WIPF3: variants seen among roughly 807,000 people sequenced by gnomAD.
WIPF3 encodes WAS/WASL interacting protein family member 3.
Under a neutral mutation model 38.9 loss-of-function variants are expected in WIPF3, and 33 were observed. That is an observed-to-expected ratio of 0.85 (90% confidence interval 0.64 to 1.14). WIPF3 has a LOEUF of 1.14. Among genes scored for constraint, WIPF3 ranks in the 50% most tolerant of loss-of-function variants. The pLI is 0.00. For missense variants in WIPF3, 711 were observed against 652.5 expected (o/e 1.09, Z -0.98); for synonymous variants, 324 against 269.3 (o/e 1.20, Z -1.99).
chr7:29,864,322 A>G (rs1175391129), intron 2 of WIPF3, among the ~76,000 whole-genome samples: 1 of 152,102 alleles, frequency 6.6e-6, no homozygotes. Context: ...GGTGGATTTT[A>G]TTGATTGATT....
intron 2 of WIPF3, among the ~76,000 whole-genome samples, chr7:29,836,236 A>C (rs749044958): frequency 6.6e-5 from 10 of 152,246 alleles, no homozygotes; most frequent in Non-Finnish European, 1.5e-4. Flanking sequence ...GTAAGTAAAC[A>C]CACATGAAAC....
chr7:29,872,714 T>G (rs1029868488), intron 2 of WIPF3, among the ~76,000 whole-genome samples: 5 of 140,606 alleles, frequency 3.6e-5, no homozygotes, highest in African/African-American at 1.4e-4. Flanking sequence ...GAGAATGGCG[T>G]GAACCCGGGA....
chr7:29,868,976 A>AC (rs1387946463), intron 2 of WIPF3, among the ~76,000 whole-genome samples: 6 of 150,984 alleles, frequency 4.0e-5, no homozygotes, highest in South Asian at 2.1e-4. Flanking sequence ...ATGTACATAC[A>AC]CCCCCCAAGC....
intron 1 of WIPF3, among the ~76,000 whole-genome samples, chr7:29,811,947 A>G (rs1044081542): frequency 1.3e-5 from 2 of 152,188 alleles, no homozygotes; most frequent in Non-Finnish European, 2.9e-5. Context: ...ATCTTTAAGA[A>G]CTTTGGCTCT....
intron 7 of WIPF3, among the ~76,000 whole-genome samples, chr7:29,902,264 T>TC (rs1786298345): frequency 7.8e-6 from 1 of 129,012 alleles, no homozygotes; most frequent in East Asian, 2.4e-4. Flanking sequence ...GTTTTCTTCT[T>TC]CTTCTTCTTC....
chr7:29,811,356 A>T (rs118037008), intron 1 of WIPF3, among the ~76,000 whole-genome samples: 422 of 152,302 alleles, frequency 2.8e-3, no homozygotes, highest in East Asian at 0.017. Context: ...CAAGGAGTTT[A>T]CAAAAATAGC....
At chr7:29,893,499 C>T (rs545626982) in intron 7 of WIPF3, among the ~76,000 whole-genome samples, 1 of 152,270 alleles carries the variant, frequency 6.6e-6, no homozygotes, top group South Asian at 2.1e-4. Flanking sequence ...AGGCTTTAAG[C>T]TGCCAATGAA....
At position 29,875,874 on chromosome 7, in the gene WIPF3, C is replaced by A; in HGVS notation, c.135C>A (p.Gly45=). The part of the protein sequence containing the change: ...TSSLRRADPK[G]RSALLADIQQ... ...GCTTGCGAAGGGCAGATCCGAAAGGCCGGAGTGCGCTGTTGGCTGATATCC... is the reference window on the plus strand; with the variant it reads ...GCTTGCGAAGGGCAGATCCGAAAGGACGGAGTGCGCTGTTGGCTGATATCC... Residue 45 remains glycine, a synonymous_variant, in exon 3 of 9, where the codon GGC becomes GGA. Transcript: ENST00000242140. The A allele has an allele frequency of 6.2e-7, 1 of 1,614,098 alleles. No homozygotes were observed. Among genetic ancestry groups the A allele is most frequent in the Non-Finnish European group, 8.5e-7 (1 of 1,179,914 alleles).
Position 29,875,942 on chromosome 7 carries a change from G to T in WIPF3, c.203G>T (p.Arg68Leu). The T allele has an allele frequency of 6.2e-7, 1 of 1,613,860 alleles. No homozygotes were observed. Among genetic ancestry groups the T allele is most frequent in the Non-Finnish European group, 8.5e-7 (1 of 1,179,830 alleles). ...RLRKVTQIND[R>L]SAPQIESSKG... ...CGCAAAGTCACGCAGATCAACGACC[G>T]CAGTGCCCCGCAGATCGAGAGTAAG... Residue 68 changes from arginine (R) to leucine (L), a missense_variant, in exon 3 of 9, where the codon CGC (arginine) becomes CTC (leucine). Transcript: ENST00000242140.
intron 2 of WIPF3, among the ~76,000 whole-genome samples, chr7:29,848,329 G>C (rs573060821): frequency 6.6e-6 from 1 of 152,174 alleles, no homozygotes; most frequent in Admixed American, 6.5e-5. Context: ...CTAAGCTGCC[G>C]TTGGTTCGTC....
At chr7:29,825,698 A>G (rs1440056530) in intron 1 of WIPF3, among the ~76,000 whole-genome samples, 7 of 152,320 alleles carry the variant, frequency 4.6e-5, no homozygotes, top group East Asian at 1.9e-4. Flanking sequence ...AGTGAATTCA[A>G]TGAATGATCT....
At chr7:29,813,834 C>A (rs1784417359) in intron 1 of WIPF3, among the ~76,000 whole-genome samples, 1 of 152,188 alleles carries the variant, frequency 6.6e-6, no homozygotes, top group Admixed American at 6.5e-5. Context: ...TCCCTCCCCT[C>A]AATCCTTGAC....
intron 7 of WIPF3, among the ~76,000 whole-genome samples, chr7:29,901,005 C>T (rs1207426986): frequency 6.6e-6 from 1 of 152,108 alleles, no homozygotes; most frequent in Non-Finnish European, 1.5e-5. Context: ...GGAATTGCAG[C>T]CCAGGGCTGG....
At chr7:29,911,364 T>A (rs1786502166) in intron 8 of WIPF3, among the ~76,000 whole-genome samples, 2 of 152,276 alleles carry the variant, frequency 1.3e-5, no homozygotes, top group Middle Eastern at 3.4e-3. Context: ...GTGTAAACCC[T>A]ACCGAAATCT....
intron 2 of WIPF3, among the ~76,000 whole-genome samples, chr7:29,842,095 C>T (rs1315787672): frequency 6.6e-6 from 1 of 152,232 alleles, no homozygotes; most frequent in African/African-American, 2.4e-5. Flanking sequence ...AGTGCACTCT[C>T]CCTACATGTC....
At chr7:29,836,201 G>A (rs1488153181) in intron 2 of WIPF3, among the ~76,000 whole-genome samples, 1 of 152,208 alleles carries the variant, frequency 6.6e-6, no homozygotes, top group Non-Finnish European at 1.5e-5. Flanking sequence ...TCAAATTCAA[G>A]GTCATTGCCA....
chr7:29,854,031 C>T (rs564927932), intron 2 of WIPF3, among the ~76,000 whole-genome samples: 5 of 152,340 alleles, frequency 3.3e-5, no homozygotes, highest in African/African-American at 1.2e-4. Flanking sequence ...CTTCACTGCA[C>T]GCTGGTAAAC....
chr7:29,888,672 T>G (rs906530783), intron 6 of WIPF3, among the ~76,000 whole-genome samples: 3 of 152,150 alleles, frequency 2.0e-5, no homozygotes, highest in South Asian at 2.1e-4. Context: ...TGGGGTCAGA[T>G]GTGAAGCCGT....
intron 6 of WIPF3, among the ~76,000 whole-genome samples, chr7:29,888,683 G>T (rs1323991229): frequency 6.6e-6 from 1 of 152,130 alleles, no homozygotes; most frequent in East Asian, 1.9e-4. Flanking sequence ...GTGAAGCCGT[G>T]GAATCTTTCG....
Sources: allele counts gnomAD v4.1 joint callset (sites outside exome capture counted in the v4.1 genomes callset), GRCh38; gene constraint gnomAD v4.1.1; transcripts MANE v1.5; gene names NCBI Gene and HGNC (gene_info 2026-07-23, HGNC 2026-07-21).